Variants in CATSPERT observed in about 807,000 individuals in gnomAD.
CATSPERT encodes the protein catsper channel auxiliary subunit tau.
At chr2:201,546,686 G>A in the CATSPERT span, among the ~76,000 whole-genome samples, 23 of 152,088 alleles carry the variant, frequency 1.5e-4, no homozygotes, top group African/African-American at 4.3e-4. Flanking sequence ...TGGAATGTAC[G>A]ATGATGCAGC....
chr2:201,497,471 G>A, the CATSPERT span, among the ~76,000 whole-genome samples: 2 of 152,168 alleles, frequency 1.3e-5, no homozygotes, highest in Non-Finnish European at 2.9e-5. Context: ...AAAGAAACAT[G>A]TATGATAAAC....
chr2:201,536,214 G>T, the CATSPERT span: 3 of 1,613,454 alleles, frequency 1.9e-6, no homozygotes, highest in Non-Finnish European at 2.5e-6. Flanking sequence ...TTCTGTGGGT[G>T]AAGGTGTTGA....
chr2:201,525,542 G>T, the CATSPERT span, among the ~76,000 whole-genome samples: 1 of 152,036 alleles, frequency 6.6e-6, no homozygotes, highest in African/African-American at 2.4e-5. Flanking sequence ...ACAGGAAGCA[G>T]AATTTTTCTA....
the CATSPERT span, among the ~76,000 whole-genome samples, chr2:201,543,284 T>C: frequency 6.6e-6 from 1 of 152,174 alleles, no homozygotes. Context: ...AATCAGAACG[T>C]GTGATACCTC....
chr2:201,601,558 C>CT, the CATSPERT span, among the ~76,000 whole-genome samples: 541 of 152,032 alleles, frequency 3.6e-3, 7 homozygotes, highest in African/African-American at 0.012. Context: ...AAAATTGTTT[C>CT]TTTTTTTAAA....
the CATSPERT span, chr2:201,553,640 T>G: frequency 6.6e-6 from 1 of 152,218 alleles, no homozygotes; most frequent in Non-Finnish European, 1.5e-5. Flanking sequence ...TAGTATTAAC[T>G]GTACAACTGA....
At chr2:201,488,341 T>C in the CATSPERT span, among the ~76,000 whole-genome samples, 231 of 152,360 alleles carry the variant, frequency 1.5e-3, 1 homozygote, top group African/African-American at 5.3e-3. Context: ...CTCTTATATT[T>C]TACTTTTCAT....
the CATSPERT span, among the ~76,000 whole-genome samples, chr2:201,589,224 T>C: frequency 5.3e-5 from 8 of 151,938 alleles, no homozygotes; most frequent in Admixed American, 1.3e-4. Context: ...TAAACCCCCA[T>C]TGAGATTCTT....
the CATSPERT span, among the ~76,000 whole-genome samples, chr2:201,581,479 T>A: frequency 1.4e-3 from 1 of 740 alleles, no homozygotes; most frequent in Non-Finnish European, 2.8e-3. Context: ...CATTCCGGAA[T>A]ATATATATAT....
chr2:201,496,632 C>G, the CATSPERT span, among the ~76,000 whole-genome samples: 1 of 152,168 alleles, frequency 6.6e-6, no homozygotes. Context: ...CGTGAGCCAC[C>G]GCGCCCGGCC....
At chr2:201,609,345 A>G in the CATSPERT span, among the ~76,000 whole-genome samples, 1 of 152,230 alleles carries the variant, frequency 6.6e-6, no homozygotes, top group African/African-American at 2.4e-5. Flanking sequence ...AATAGACCTA[A>G]CAGACATTTA....
the CATSPERT span, among the ~76,000 whole-genome samples, chr2:201,509,123 C>T: frequency 6.6e-6 from 1 of 150,792 alleles, no homozygotes; most frequent in Non-Finnish European, 1.5e-5. Flanking sequence ...CAACAGTGCA[C>T]AAGGGTTCCA....
chr2:201,561,687 C>G, the CATSPERT span, among the ~76,000 whole-genome samples: 1 of 152,130 alleles, frequency 6.6e-6, no homozygotes, highest in Admixed American at 6.5e-5. Context: ...GCCTGACCAA[C>G]ATGGTGAAAC....
At chr2:201,536,330 A>G in the CATSPERT span, 3 of 1,575,578 alleles carry the variant, frequency 1.9e-6, no homozygotes, top group Non-Finnish European at 2.6e-6. Context: ...ACTAGAAAAT[A>G]CAGCAATAAA....
At chr2:201,562,249 G>A in the CATSPERT span, among the ~76,000 whole-genome samples, 2 of 146,188 alleles carry the variant, frequency 1.4e-5, no homozygotes, top group Non-Finnish European at 3.0e-5. Context: ...GTGCAGTGGC[G>A]CGATCTCGGC....
the CATSPERT span, chr2:201,550,360 A>G: frequency 6.6e-6 from 1 of 152,202 alleles, no homozygotes; most frequent in African/African-American, 2.4e-5. Context: ...TTCCACAACA[A>G]TATGCCACAA....
chr2:201,522,697 G>A, the CATSPERT span, among the ~76,000 whole-genome samples: 1 of 152,200 alleles, frequency 6.6e-6, no homozygotes, highest in Admixed American at 6.5e-5. Context: ...AGTTGGCAGG[G>A]ACAGGGCTCC....
the CATSPERT span, among the ~76,000 whole-genome samples, chr2:201,604,423 A>G: frequency 6.6e-6 from 1 of 152,186 alleles, no homozygotes; most frequent in Non-Finnish European, 1.5e-5. Flanking sequence ...AATCCCTAAT[A>G]TAGAAGATAT....
At chr2:201,522,432 A>T in the CATSPERT span, among the ~76,000 whole-genome samples, 82 of 152,224 alleles carry the variant, frequency 5.4e-4, no homozygotes, top group Non-Finnish European at 1.0e-3. Context: ...CACTCCAAGC[A>T]GATCTTCGGA....
Sources: allele counts gnomAD v4.1 joint callset (sites outside exome capture counted in the v4.1 genomes callset), GRCh38; gene constraint gnomAD v4.1.1; transcripts MANE v1.5; gene names NCBI Gene and HGNC (gene_info 2026-07-23, HGNC 2026-07-21).